Variants in CXADR observed in about 807,000 individuals in gnomAD.
CXADR encodes the protein coxsackievirus and adenovirus receptor.
CXADR carries 20 observed loss-of-function variants against 40.3 expected under a neutral mutation model. The observed-to-expected ratio is 0.50, with a 90% CI of 0.35 to 0.72. The LOEUF (loss-of-function observed/expected upper bound fraction) is 0.72, where lower values mean the gene tolerates loss of function less well. Among genes scored for constraint, CXADR ranks in the 30% least tolerant of loss-of-function variants. The pLI is 0.01. For synonymous variants in CXADR, 150 were observed against 161.3 expected (o/e 0.93, Z 0.53); for missense variants, 332 against 449.1 (o/e 0.74, Z 2.36).
intron 1 of CXADR, among the ~76,000 whole-genome samples, chr21:17,516,928 C>G (rs942782297): frequency 2.0e-5 from 3 of 151,606 alleles, no homozygotes; most frequent in African/African-American, 7.3e-5. Flanking sequence ...GATAAACATA[C>G]ACAATTTTTG....
intron 1 of CXADR, among the ~76,000 whole-genome samples, chr21:17,538,309 A>G (rs754053306): frequency 3.3e-5 from 5 of 152,134 alleles, no homozygotes; most frequent in Admixed American, 6.5e-5. Flanking sequence ...AAGAGGAGGT[A>G]TCTTACACTG....
intron 2 of CXADR, among the ~76,000 whole-genome samples, chr21:17,548,584 C>G (rs1480241815): frequency 1.3e-5 from 2 of 152,198 alleles, no homozygotes; most frequent in Admixed American, 1.3e-4. Context: ...CAGTGCCTGT[C>G]CCGCTTTAGA....
chr21:17,594,010 A>C, downstream of CXADR: 1 of 1,480,288 alleles, frequency 6.8e-7, no homozygotes. Flanking sequence ...CACTACTATT[A>C]GTAAGAACTT....
chr21:17,529,651 G>A (rs2824336), intron 1 of CXADR, among the ~76,000 whole-genome samples: 33,627 of 152,048 alleles, frequency 0.22, 5,698 homozygotes, highest in African/African-American at 0.48. Flanking sequence ...TTAATAAAGC[G>A]TTAGAACATT....
At chr21:17,592,139 C>T (rs754292142) in intron 7 of CXADR, among the ~76,000 whole-genome samples, 1 of 151,906 alleles carries the variant, frequency 6.6e-6, no homozygotes, top group Non-Finnish European at 1.5e-5. Context: ...TTTGTAGTAA[C>T]GTGGAATGTT....
the CXADR span, among the ~76,000 whole-genome samples, chr21:17,631,267 T>C: frequency 2.0e-5 from 3 of 152,218 alleles, no homozygotes; most frequent in Non-Finnish European, 4.4e-5. Flanking sequence ...CATGTAGTTT[T>C]ACAGTTCGTT....
At chr21:17,542,097 T>G in intron 1 of CXADR, 1 of 305,884 alleles carries the variant, frequency 3.3e-6, no homozygotes, top group Non-Finnish European at 6.4e-6. Flanking sequence ...CTTCCATAGC[T>G]TTTGTGTTTT....
chr21:17,567,839 G>A lies in CXADR; in HGVS notation c.*2147G>A, dbSNP rs1259933898. The stretch of plus-strand genomic sequence containing the variant: ...CTAAGTAGAAGTTATCATAGAAAGT[G>A]GACACGTATAAGACTTTCCTTCCTT... On this transcript the variant is annotated 3_prime_UTR_variant, in exon 7 of 7. Coordinates refer to ENST00000284878, the MANE Select transcript of CXADR (RefSeq NM_001338.5). 2.1e-6 allele frequency: 2 copies of A among 960,620 alleles called. No individual in the cohort carries two copies. The highest frequency in any genetic ancestry group is 2.5e-6 in the Non-Finnish European group (2 of 809,306). The allele number at this position is 960,620 out of a possible 1,614,324, so 59.5% of individuals were successfully genotyped here.
chr21:17,620,236 CT>C, the CXADR span, among the ~76,000 whole-genome samples: 1 of 152,110 alleles, frequency 6.6e-6, no homozygotes, highest in Non-Finnish European at 1.5e-5. Flanking sequence ...ATGTGTGACT[CT>C]TTTTTTCACT....
At chr21:17,594,005 CTATTAG>C (rs1272926793), downstream of CXADR, 11 of 1,463,592 alleles carry the variant, frequency 7.5e-6, no homozygotes, top group East Asian at 2.6e-4. Flanking sequence ...AACTTCACTA[CTATTAG>C]TAAGAACTTT....
intron 2 of CXADR, among the ~76,000 whole-genome samples, chr21:17,547,640 C>T (rs2060915182): frequency 6.6e-6 from 1 of 152,134 alleles, no homozygotes; most frequent in African/African-American, 2.4e-5. Flanking sequence ...ATTCTGTCAG[C>T]AGTAGAAGTG....
At chr21:17,598,507 A>G (rs1253543631), downstream of CXADR, 1 of 889,910 alleles carries the variant, frequency 1.1e-6, no homozygotes, top group Non-Finnish European at 1.7e-6. Flanking sequence ...GGCAAGAACT[A>G]TTATCCAGAA....
chr21:17,624,089 C>G, the CXADR span, among the ~76,000 whole-genome samples: 12 of 152,158 alleles, frequency 7.9e-5, no homozygotes, highest in East Asian at 1.9e-4. Flanking sequence ...CCCATTTCAC[C>G]CACAGTAAAA....
rs150566466 is a variant in CXADR, at chr21:17,559,730, G to A, written c.571+599G>A. On this transcript the variant is annotated intron_variant, in intron 4 of 6. Transcript: ENST00000284878. ...TCTCGCTCTGTCACCCAGGCTGGGC[G>A]TGCAGTGGTAGAATCTCGGCTCCCT... 9.4e-3 allele frequency among the ~76,000 whole-genome samples: 1,346 copies of A among 143,716 alleles called. 11 individuals are homozygous for A. Among genetic ancestry groups the A allele is most frequent in the Middle Eastern group, 0.019 (5 of 270 alleles). 94.3% of individuals were successfully genotyped at this position (143,716 alleles called of 152,430 possible). A position where few individuals can be genotyped will look rare whatever the true frequency, so the allele number is the denominator to read the frequency against.
chr21:17,523,939 A>G (rs1569076939), intron 1 of CXADR, among the ~76,000 whole-genome samples: 1 of 151,598 alleles, frequency 6.6e-6, no homozygotes, highest in Non-Finnish European at 1.5e-5. Context: ...GTTCACTGCA[A>G]CCTCCGCCTC....
the CXADR span, among the ~76,000 whole-genome samples, chr21:17,608,107 C>T: frequency 6.6e-6 from 1 of 152,172 alleles, no homozygotes; most frequent in African/African-American, 2.4e-5. Context: ...TGGCTCACGC[C>T]TGTAATCCTC....
At chr21:17,613,404 A>G in the CXADR span, 8 of 152,598 alleles carry the variant, frequency 5.2e-5, no homozygotes, top group African/African-American at 1.9e-4. Context: ...GCATTTATGG[A>G]CAGATCCTCA....
At chr21:17,540,104 G>A (rs903722703) in intron 1 of CXADR, among the ~76,000 whole-genome samples, 3 of 152,132 alleles carry the variant, frequency 2.0e-5, no homozygotes, top group Admixed American at 1.3e-4. Context: ...GACAGCTGCC[G>A]TCTCCCTCTA....
At chr21:17,635,281 A>C in the CXADR span, among the ~76,000 whole-genome samples, 1 of 152,236 alleles carries the variant, frequency 6.6e-6, no homozygotes, top group Non-Finnish European at 1.5e-5. Context: ...CATCTTCTAG[A>C]GCTTCTAAAA....
Sources: allele counts gnomAD v4.1 joint callset (sites outside exome capture counted in the v4.1 genomes callset), GRCh38; gene constraint gnomAD v4.1.1; transcripts MANE v1.5; gene names NCBI Gene and HGNC (gene_info 2026-07-23, HGNC 2026-07-21).